The following CCDC171 variants were observed in gnomAD, a reference collection of about 807,000 sequenced individuals.
The protein encoded by CCDC171 is coiled-coil domain containing 171, also known as coiled-coil domain-containing protein 171.
Under a neutral mutation model 168.2 loss-of-function variants are expected in CCDC171, and 177 were observed. That is an observed-to-expected ratio of 1.05 (90% CI 0.93 to 1.19). CCDC171 has a LOEUF of 1.19. Among genes scored for constraint, CCDC171 ranks in the 50% most tolerant of loss-of-function variants. CCDC171 has a pLI of 0.00. For missense variants in CCDC171, 1,991 were observed against 1,539.0 expected (o/e 1.29, Z -4.91); for synonymous variants, 687 against 540.8 (o/e 1.27, Z -3.75).
At chr9:15,561,023 G>A (rs557640818) in intron 1 of CCDC171, among the ~76,000 whole-genome samples, 2 of 152,122 alleles carry the variant, frequency 1.3e-5, no homozygotes, top group Non-Finnish European at 2.9e-5. Flanking sequence ...TATCACTAGC[G>A]GAAGCTCAGT....
intron 7 of CCDC171, among the ~76,000 whole-genome samples, chr9:15,640,597 T>C (rs2046533112): frequency 6.6e-6 from 1 of 152,120 alleles, no homozygotes; most frequent in Admixed American, 6.6e-5. Flanking sequence ...CACTCTGTCA[T>C]GTAGAAGTGA....
At chr9:16,063,421 T>C (rs952122230), downstream of CCDC171, among the ~76,000 whole-genome samples, 2 of 152,152 alleles carry the variant, frequency 1.3e-5, no homozygotes, top group African/African-American at 4.8e-5. Context: ...CGTGTTGAGT[T>C]TGGGAATACC....
intron 1 of CCDC171, among the ~76,000 whole-genome samples, chr9:15,562,720 A>G (rs963161192): frequency 3.3e-5 from 5 of 152,182 alleles, no homozygotes; most frequent in Admixed American, 1.3e-4. Context: ...AAGCTTTTCA[A>G]CAAAACAGGA....
At chr9:15,567,976 T>G (rs1379956145) in intron 2 of CCDC171, among the ~76,000 whole-genome samples, 1 of 144,708 alleles carries the variant, frequency 6.9e-6, no homozygotes, top group Non-Finnish European at 1.5e-5. Flanking sequence ...TTAAATTTAT[T>G]TTATTCTTTT....
the CCDC171 span, among the ~76,000 whole-genome samples, chr9:16,102,645 A>T: frequency 1.3e-5 from 2 of 152,106 alleles, no homozygotes; most frequent in Non-Finnish European, 2.9e-5. Flanking sequence ...ATCTTTTTTA[A>T]AAGGGTCAGA....
intron 18 of CCDC171, among the ~76,000 whole-genome samples, chr9:15,776,878 T>C (rs1242845777): frequency 6.6e-6 from 1 of 152,262 alleles, no homozygotes; most frequent in Non-Finnish European, 1.5e-5. Flanking sequence ...TTAAATAATC[T>C]TTCTGTGCTT....
At chr9:15,797,766 A>G (rs2058632011) in intron 21 of CCDC171, among the ~76,000 whole-genome samples, 2 of 152,128 alleles carry the variant, frequency 1.3e-5, no homozygotes, top group African/African-American at 4.8e-5. Context: ...GCCTACTATG[A>G]TGTGAAAAAG....
rs143212929 is a variant in CCDC171, at chr9:15,799,613, C to T, written c.3267+14919C>T. Among the ~76,000 whole-genome samples, 161 of 151,998 alleles carry T rather than the reference C, an allele frequency of 1.1e-3. 1 individual carries two copies. Among genetic ancestry groups the T allele is most frequent in the African/African-American group, 3.6e-3 (151 of 41,478 alleles). On this transcript the variant is annotated intron_variant, in intron 21 of 25. Coordinates refer to ENST00000380701, the MANE Select transcript of CCDC171 (RefSeq NM_173550.4). ...CTGCAACCGTTTATCCTTTGTGTTG[C>T]GAACAATCCAATTATACTCTTTCAG...
the CCDC171 span, among the ~76,000 whole-genome samples, chr9:16,070,979 G>T: frequency 6.6e-6 from 1 of 152,216 alleles, no homozygotes; most frequent in Non-Finnish European, 1.5e-5. Flanking sequence ...AGCCAATGGG[G>T]TCCAATCAGA....
intron 23 of CCDC171, among the ~76,000 whole-genome samples, chr9:15,861,048 T>G (rs1267998445): frequency 2.8e-5 from 1 of 35,484 alleles, no homozygotes; most frequent in African/African-American, 1.2e-4. Flanking sequence ...CTGACAGTTT[T>G]TGGCTTCTAA....
chr9:15,869,269 G>C (rs894775751), intron 23 of CCDC171, among the ~76,000 whole-genome samples: 1 of 151,890 alleles, frequency 6.6e-6, no homozygotes, highest in African/African-American at 2.4e-5. Context: ...TAATTAGATA[G>C]TTAAAGAAAA....
intron 23 of CCDC171, among the ~76,000 whole-genome samples, chr9:15,872,013 G>A (rs569069976): frequency 1.2e-4 from 18 of 151,814 alleles, no homozygotes; most frequent in African/African-American, 3.1e-4. Context: ...CAAAGTTCTC[G>A]TTTAATTTAA....
At chr9:15,913,453 A>G (rs1374553680) in intron 24 of CCDC171, among the ~76,000 whole-genome samples, 1 of 151,972 alleles carries the variant, frequency 6.6e-6, no homozygotes. Flanking sequence ...CAGCGTATAT[A>G]TTTTGTTAAT....
chr9:15,752,633 A>G (rs550067752), intron 18 of CCDC171, among the ~76,000 whole-genome samples: 10 of 152,338 alleles, frequency 6.6e-5, no homozygotes, highest in Non-Finnish European at 1.3e-4. Flanking sequence ...TCAGCAAACT[A>G]TCACAAGGAC....
chr9:15,629,617 A>G (rs2045501885), intron 7 of CCDC171, among the ~76,000 whole-genome samples: 1 of 152,236 alleles, frequency 6.6e-6, no homozygotes, highest in Non-Finnish European at 1.5e-5. Context: ...GATATTATCC[A>G]GGAGAACTTC....
At chr9:15,908,225 A>G (rs559327035) in intron 24 of CCDC171, among the ~76,000 whole-genome samples, 1 of 152,136 alleles carries the variant, frequency 6.6e-6, no homozygotes, top group Non-Finnish European at 1.5e-5. Context: ...TTGTGGCACT[A>G]TTCACGATAG....
intron 3 of CCDC171, among the ~76,000 whole-genome samples, chr9:16,005,961 G>A (rs1213556381): frequency 6.6e-6 from 1 of 151,956 alleles, no homozygotes; most frequent in African/African-American, 2.4e-5. Flanking sequence ...CTGGGTTCAA[G>A]TGATTCTCCT....
intron 21 of CCDC171, among the ~76,000 whole-genome samples, chr9:15,792,958 A>G (rs1309175472): frequency 2.0e-5 from 3 of 152,226 alleles, no homozygotes; most frequent in African/African-American, 4.8e-5. Flanking sequence ...GACAGGAACA[A>G]ATTCACACAT....
In CCDC171 at chr9:15,971,725, T is replaced by G; in HGVS notation, c.3870T>G (p.Thr1290=). 6.2e-7 allele frequency: 1 copy of G among 1,613,962 alleles called. No individual in the cohort carries two copies. Among genetic ancestry groups the G allele is most frequent in the South Asian group, 1.1e-5 (1 of 91,080 alleles). ...AAGCTGAACTTGATACTACTTACAC[T>G]TTCTTAAAGGAGACATTTATAAATA... ...PLKAELDTTY[T]FLKETFINTV... is the part of the protein sequence containing the mutation. Residue 1290 remains threonine, a synonymous_variant, in exon 26 of 26, where the codon ACT becomes ACG. Coordinates refer to ENST00000380701, the MANE Select transcript of CCDC171 (RefSeq NM_173550.4).
Sources: allele counts gnomAD v4.1 joint callset (sites outside exome capture counted in the v4.1 genomes callset), GRCh38; gene constraint gnomAD v4.1.1; transcripts MANE v1.5; gene names NCBI Gene and HGNC (gene_info 2026-07-23, HGNC 2026-07-21).